MYH9: variants seen among roughly 807,000 people sequenced by gnomAD.
MYH9 encodes the protein myosin-9.
MYH9 carries 29 observed loss-of-function variants against 241.9 expected under a neutral mutation model. The ratio of observed to expected loss-of-function variants is 0.12; its 90% CI spans 0.09 to 0.16. The LOEUF (loss-of-function observed/expected upper bound fraction) is 0.16, where lower values mean the gene tolerates loss of function less well. MYH9 is among the 10% of genes least tolerant of loss of function. The probability of loss-of-function intolerance (pLI) is 1.00; values close to 1 mark genes in which losing one functional copy is unlikely to be tolerated. For synonymous variants in MYH9, 1,047 were observed against 1,062.6 expected (o/e 0.99, Z 0.29); for missense variants, 1,803 against 2,595.5 (o/e 0.69, Z 6.63).
intron 20 of MYH9, chr22:36,302,233 A>C: frequency 3.5e-6 from 1 of 282,164 alleles, no homozygotes; most frequent in Non-Finnish European, 7.0e-6. Flanking sequence ...GTTTTTCGCC[A>C]TTACCATAAA....
chr22:36,365,476 TA>T (rs1157690093), intron 1 of MYH9, among the ~76,000 whole-genome samples: 2 of 152,132 alleles, frequency 1.3e-5, no homozygotes, highest in Non-Finnish European at 2.9e-5. Context: ...TTTTTTATTT[TA>T]TTTTTTTTTG....
intron 2 of MYH9, among the ~76,000 whole-genome samples, chr22:36,345,212 T>G (rs1052784100): frequency 2.0e-5 from 3 of 149,908 alleles, no homozygotes; most frequent in African/African-American, 7.4e-5. Context: ...CTCGGGAGGC[T>G]GAGGCAGGAG....
At chr22:36,355,159 C>T (rs1254026028) in intron 1 of MYH9, among the ~76,000 whole-genome samples, 1 of 152,102 alleles carries the variant, frequency 6.6e-6, no homozygotes, top group African/African-American at 2.4e-5. Flanking sequence ...CGGCTTCCTG[C>T]GGGTGCCAGT....
At chr22:36,335,200 C>T (rs1321375809) in intron 3 of MYH9, among the ~76,000 whole-genome samples, 4 of 152,238 alleles carry the variant, frequency 2.6e-5, no homozygotes, top group African/African-American at 7.2e-5. Context: ...CCAGGCAGGC[C>T]CCAGCCTGCT....
intron 1 of MYH9, among the ~76,000 whole-genome samples, chr22:36,355,147 G>A (rs1168239268): frequency 2.0e-5 from 3 of 152,082 alleles, no homozygotes; most frequent in Non-Finnish European, 2.9e-5. Context: ...TTTCCTTCCC[G>A]CCGGCTTCCT....
rs183199641 is a variant in MYH9, at chr22:36,322,615, C to T, written c.613-94G>A. 1.5e-3 allele frequency: 1,873 copies of T among 1,243,104 alleles called. 2 individuals carry two copies. The highest frequency in any genetic ancestry group is 8.1e-3 in the Middle Eastern group (37 of 4,572). 77.0% of individuals were successfully genotyped at this position (1,243,104 alleles called of 1,614,324 possible). A position where few individuals can be genotyped will look rare whatever the true frequency, so the allele number is the denominator to read the frequency against. Reference sequence around the variant, plus strand: ...AAGGGGGACGATGGCAGAGCCGTGTCAGCATGTCCAACGTGCCAGGAACAG... The same window carrying T: ...AAGGGGGACGATGGCAGAGCCGTGTTAGCATGTCCAACGTGCCAGGAACAG... On this transcript the variant is annotated intron_variant, in intron 5 of 40. Coordinates refer to ENST00000216181, the MANE Select transcript of MYH9 (RefSeq NM_002473.6).
rs190252304 is a variant in MYH9, at chr22:36,337,814, G to A, written c.490+3556C>T. On this transcript the variant is annotated intron_variant, in intron 3 of 40. Coordinates refer to ENST00000216181, the MANE Select transcript of MYH9 (RefSeq NM_002473.6). The stretch of plus-strand genomic sequence containing the variant: ...CAGCCTGCAGACCCCGAGGCTCCAC[G>A]GGTGACACATGACCCAGGGCAAGAA... Among the ~76,000 whole-genome samples, 506 of 152,230 alleles carry A rather than the reference G, an allele frequency of 3.3e-3. 3 individuals carry two copies. Among genetic ancestry groups the A allele is most frequent in the Non-Finnish European group, 5.5e-3 (375 of 68,014 alleles).
At position 36,320,184 on chromosome 22, in the gene MYH9, G is replaced by A. The variant is rs1335639165; in HGVS notation, c.1012+36C>T. On this transcript the variant is annotated intron_variant, in intron 9 of 40. Coordinates refer to ENST00000216181, the MANE Select transcript of MYH9 (RefSeq NM_002473.6). The surrounding 1 kb of genome is among the most constrained non-coding windows in gnomAD (Gnocchi z 4.8). Reference sequence around the variant, plus strand: ...AGGCCGTGGGTACCAGCCTTCCTCTGCCCCACACTCGACCATAGGAGGGCC... The same window carrying A: ...AGGCCGTGGGTACCAGCCTTCCTCTACCCCACACTCGACCATAGGAGGGCC... 1.9e-6 allele frequency: 3 copies of A among 1,613,596 alleles called. No homozygotes were observed. The highest frequency in any genetic ancestry group is 1.7e-6 in the Non-Finnish European group (2 of 1,179,968).
At chr22:36,373,289 T>G (rs1045932322) in intron 1 of MYH9, among the ~76,000 whole-genome samples, 1 of 152,128 alleles carries the variant, frequency 6.6e-6, no homozygotes, top group African/African-American at 2.4e-5. Context: ...CCACCCTCGG[T>G]AGGGTCTCCC....
intron 1 of MYH9, among the ~76,000 whole-genome samples, chr22:36,372,044 A>C (rs2018098215): frequency 6.6e-6 from 1 of 152,080 alleles, no homozygotes; most frequent in Non-Finnish European, 1.5e-5. Context: ...TTTAATGAAC[A>C]AATAAATTGA....
At chr22:36,315,074 G>A (rs937129469) in intron 12 of MYH9, among the ~76,000 whole-genome samples, 6 of 152,086 alleles carry the variant, frequency 3.9e-5, no homozygotes, top group East Asian at 1.9e-4. Context: ...GTGAGCCACC[G>A]CACCCGGCCT....
intron 5 of MYH9, among the ~76,000 whole-genome samples, chr22:36,324,724 G>A (rs1356755364): frequency 6.6e-6 from 1 of 152,252 alleles, no homozygotes; most frequent in East Asian, 1.9e-4. Context: ...CCGGCCAATG[G>A]TCTTTCACGC....
At chr22:36,334,491 T>C (rs899364252) in intron 3 of MYH9, among the ~76,000 whole-genome samples, 1 of 152,206 alleles carries the variant, frequency 6.6e-6, no homozygotes, top group South Asian at 2.1e-4. Context: ...CCAGACCAGA[T>C]AAGCCAGGAC....
chr22:36,288,723 A>G lies in MYH9; in HGVS notation c.4770+4T>C, dbSNP rs878958244. 6.2e-7 allele frequency: 1 copy of G among 1,601,966 alleles called. No individual in the cohort carries two copies. The highest frequency in any genetic ancestry group is 8.5e-7 in the Non-Finnish European group (1 of 1,179,928). ...CCCATGGGGTAGCAGGAGGCCATGC[A>G]CACCTGTCTGACCAGCTGCTTCTTC... On this transcript the variant is annotated splice_donor_region_variant and intron_variant, in intron 33 of 40. Transcript: ENST00000216181. This position sits in a 1 kb window ranked among gnomAD's most constrained non-coding sequence, Gnocchi z 4.8.
chr22:36,282,597 G>T lies in MYH9; in HGVS notation c.*71C>A. ...GTCCCAAGAAGGTGGGGAGAGGCGT[G>T]CTGCGGGGTCTGGGAAGGGGAGGCT... is the stretch of plus-strand genomic sequence containing the variant. On this transcript the variant is annotated 3_prime_UTR_variant, in exon 41 of 41. Transcript: ENST00000216181. The T allele has an allele frequency of 7.2e-7, 1 of 1,389,752 alleles. No homozygotes were observed. The highest frequency in any genetic ancestry group is 1.0e-6 in the Non-Finnish European group (1 of 980,508). 86.1% of individuals were successfully genotyped at this position (1,389,752 alleles called of 1,614,324 possible).
chr22:36,332,701 T>C (rs990047917), intron 3 of MYH9, among the ~76,000 whole-genome samples: 2 of 138,562 alleles, frequency 1.4e-5, no homozygotes, highest in Admixed American at 7.3e-5. Flanking sequence ...CCTCAAGGTA[T>C]TGCTCTTAAC....
At chr22:36,362,691 G>A (rs1031442401) in intron 1 of MYH9, among the ~76,000 whole-genome samples, 42 of 152,158 alleles carry the variant, frequency 2.8e-4, no homozygotes, top group African/African-American at 9.4e-4. Flanking sequence ...GGCCAGGATC[G>A]TCTTGAACTC....
intron 3 of MYH9, 124 bp from the exon 4 acceptor site, chr22:36,327,612 T>A: frequency 1.8e-6 from 2 of 1,140,394 alleles, no homozygotes; most frequent in Non-Finnish European, 1.3e-6. Flanking sequence ...TTTGTGGGGA[T>A]CTCGCAGTCT....
chr22:36,375,851 C>A (rs752290951), intron 1 of MYH9, among the ~76,000 whole-genome samples: 5 of 151,774 alleles, frequency 3.3e-5, no homozygotes, highest in African/African-American at 4.8e-5. Flanking sequence ...AGTGAGAGCC[C>A]ATTTCCATTT....
Sources: gnomAD v4.1 joint callset for allele counts (sites outside exome capture counted in the v4.1 genomes callset) on GRCh38, gnomAD v4.1.1 for gene constraint, Gnocchi (gnomAD v3.1) non-coding constraint, MANE v1.5 for transcripts, NCBI Gene and HGNC (gene_info 2026-07-23, HGNC 2026-07-21) for gene names.